Variants in DCDC2 observed in about 807,000 individuals in gnomAD.
DCDC2 encodes doublecortin domain containing 2, also known as doublecortin domain-containing protein 2.
In DCDC2, 40 loss-of-function variants were observed where a neutral mutation model predicts 50.2. That is an observed-to-expected ratio of 0.80 (90% CI 0.62 to 1.04). DCDC2 has a LOEUF of 1.04. Ranked by LOEUF, DCDC2 falls within the 50% of genes least tolerant of loss-of-function variation. DCDC2 has a pLI of 0.00. For missense variants in DCDC2, 570 were observed against 581.9 expected (o/e 0.98, Z 0.21); for synonymous variants, 234 against 210.6 (o/e 1.11, Z -0.96).
the DCDC2 span, among the ~76,000 whole-genome samples, chr6:24,374,576 C>CGAAA: frequency 0.014 from 12 of 868 alleles, no homozygotes; most frequent in Non-Finnish European, 0.029. Context: ...AAGACTCCAT[C>CGAAA]CAAAAAAAAA....
intron 4 of DCDC2, among the ~76,000 whole-genome samples, chr6:24,294,814 T>C (rs1463959757): frequency 6.6e-6 from 1 of 152,118 alleles, no homozygotes; most frequent in African/African-American, 2.4e-5. Flanking sequence ...ACTCTTAAAA[T>C]TGAATCCGTA....
At chr6:24,314,985 C>T (rs890602737) in intron 2 of DCDC2, among the ~76,000 whole-genome samples, 1 of 152,048 alleles carries the variant, frequency 6.6e-6, no homozygotes, top group Non-Finnish European at 1.5e-5. Flanking sequence ...AGGACTAAAA[C>T]CTAAATTTAA....
At chr6:24,207,278 C>T (rs1197390171) in intron 7 of DCDC2, among the ~76,000 whole-genome samples, 1 of 151,092 alleles carries the variant, frequency 6.6e-6, no homozygotes, top group East Asian at 1.9e-4. Context: ...CTCTCTCTCT[C>T]TCTCTCTCTC....
At chr6:24,195,837 A>G (rs1482557254) in intron 8 of DCDC2, among the ~76,000 whole-genome samples, 2 of 152,230 alleles carry the variant, frequency 1.3e-5, no homozygotes, top group Non-Finnish European at 2.9e-5. Context: ...ATGGTCCAGA[A>G]CAAAGGCCAG....
intron 8 of DCDC2, among the ~76,000 whole-genome samples, chr6:24,183,433 G>T (rs532072816): frequency 1.3e-5 from 2 of 152,302 alleles, no homozygotes. Flanking sequence ...CCAGGAAGTC[G>T]AGAGTTTTCC....
At chr6:24,349,090 T>C (rs1223227491) in intron 2 of DCDC2, among the ~76,000 whole-genome samples, 1 of 152,232 alleles carries the variant, frequency 6.6e-6, no homozygotes, top group Non-Finnish European at 1.5e-5. Flanking sequence ...AAGGATGTAC[T>C]ACATGGATGA....
intron 8 of DCDC2, among the ~76,000 whole-genome samples, chr6:24,199,797 G>A (rs927078586): frequency 6.6e-6 from 1 of 152,012 alleles, no homozygotes; most frequent in Admixed American, 6.6e-5. Flanking sequence ...AACTAGAATA[G>A]CCAGTTTGGA....
chr6:24,212,001 C>G (rs1761881619), intron 7 of DCDC2, among the ~76,000 whole-genome samples: 1 of 152,162 alleles, frequency 6.6e-6, no homozygotes, highest in Non-Finnish European at 1.5e-5. Context: ...GGCTGTACAG[C>G]AGGAGGTGAG....
intron 8 of DCDC2, among the ~76,000 whole-genome samples, chr6:24,194,573 T>C (rs1193518105): frequency 6.6e-6 from 1 of 152,222 alleles, no homozygotes; most frequent in Non-Finnish European, 1.5e-5. Context: ...GTTTCTGAGA[T>C]GGTGAATTCT....
intron 8 of DCDC2, among the ~76,000 whole-genome samples, chr6:24,180,571 A>G (rs1395612927): frequency 6.6e-6 from 1 of 151,376 alleles, no homozygotes; most frequent in African/African-American, 2.4e-5. Context: ...TACAGGCATG[A>G]GCCACCATGC....
intron 8 of DCDC2, among the ~76,000 whole-genome samples, chr6:24,196,392 G>C (rs1761440825): frequency 6.6e-6 from 1 of 152,150 alleles, no homozygotes; most frequent in Non-Finnish European, 1.5e-5. Context: ...AGATAGATAA[G>C]TAGGTAGATA....
At chr6:24,364,334 A>G in the DCDC2 span, among the ~76,000 whole-genome samples, 4 of 152,206 alleles carry the variant, frequency 2.6e-5, no homozygotes, top group Admixed American at 6.5e-5. Flanking sequence ...ACTCAAAGGC[A>G]TGAGCATAAC....
intron 2 of DCDC2, among the ~76,000 whole-genome samples, chr6:24,333,691 G>A (rs539335507): frequency 2.0e-5 from 3 of 152,272 alleles, no homozygotes; most frequent in African/African-American, 7.2e-5. Context: ...TCACTGATGA[G>A]TTTTAAACTC....
intron 2 of DCDC2, among the ~76,000 whole-genome samples, chr6:24,327,870 C>T (rs900882600): frequency 1.3e-5 from 2 of 152,178 alleles, no homozygotes; most frequent in African/African-American, 4.8e-5. Context: ...CTCAAATGTG[C>T]TTGTCTTTCT....
chr6:24,175,960 A>G lies in DCDC2; in HGVS notation c.1327-1126T>C, dbSNP rs1285480188. ...TTGTTATAAGTAAGAGATGAGTCAA[A>G]TAAGATTAAATCTCTTTGTGAGTAA... On this transcript the variant is annotated intron_variant, in intron 9 of 9. Coordinates refer to ENST00000378454, the MANE Select transcript of DCDC2 (RefSeq NM_016356.5). Among the ~76,000 whole-genome samples, 4 of 152,300 alleles carry G rather than the reference A, an allele frequency of 2.6e-5. No homozygotes were observed. In the South Asian group the frequency reaches 8.3e-4, roughly 32 times the overall value.
chr6:24,363,877 C>A, the DCDC2 span, among the ~76,000 whole-genome samples: 1 of 152,206 alleles, frequency 6.6e-6, no homozygotes, highest in Non-Finnish European at 1.5e-5. Flanking sequence ...ATCCATTTCA[C>A]TTTCCAGCTT....
intron 8 of DCDC2, among the ~76,000 whole-genome samples, chr6:24,183,083 A>G (rs1343871834): frequency 1.3e-5 from 2 of 152,196 alleles, no homozygotes; most frequent in Non-Finnish European, 2.9e-5. Context: ...CATGTGAGGT[A>G]TGTAGTCAGA....
chr6:24,282,557 T>A (rs1433852256), intron 6 of DCDC2, among the ~76,000 whole-genome samples: 1 of 152,110 alleles, frequency 6.6e-6, no homozygotes, highest in East Asian at 1.9e-4. Flanking sequence ...TTGGGATACT[T>A]CTTAAACAGT....
At chr6:24,248,049 C>G (rs955706605) in intron 7 of DCDC2, among the ~76,000 whole-genome samples, 2 of 152,140 alleles carry the variant, frequency 1.3e-5, no homozygotes, top group Non-Finnish European at 1.5e-5. Flanking sequence ...GCACTCCAGC[C>G]TGGGCAACAA....
Sources: allele counts gnomAD v4.1 joint callset (sites outside exome capture counted in the v4.1 genomes callset), GRCh38; gene constraint gnomAD v4.1.1; transcripts MANE v1.5; gene names NCBI Gene and HGNC (gene_info 2026-07-23, HGNC 2026-07-21).